SLC25A21: variants seen among roughly 807,000 people sequenced by gnomAD.
The protein encoded by SLC25A21 is mitochondrial 2-oxodicarboxylate carrier.
Under a neutral mutation model 43.8 loss-of-function variants are expected in SLC25A21, and 47 were observed. The ratio of observed to expected loss-of-function variants is 1.07; its 90% confidence interval spans 0.85 to 1.37. The LOEUF (loss-of-function observed/expected upper bound fraction) is 1.37, where lower values mean the gene tolerates loss of function less well. Ranked by LOEUF, SLC25A21 falls within the 40% of genes most tolerant of loss-of-function variation. The pLI, the probability that SLC25A21 is intolerant of heterozygous loss-of-function variation, is 0.00. For missense variants in SLC25A21, 352 were observed against 350.2 expected, an observed-to-expected ratio of 1.00 and a Z score of -0.04; for synonymous variants, 131 against 121.3, an observed-to-expected ratio of 1.08 and a Z score of -0.52.
intron 1 of SLC25A21, among the ~76,000 whole-genome samples, chr14:37,085,037 T>A (rs1962457863): frequency 6.6e-6 from 1 of 152,220 alleles, no homozygotes; most frequent in South Asian, 2.1e-4. Context: ...AACTGGGCTT[T>A]ATTATCATTC....
chr14:36,714,362 G>A (rs1884027767), intron 6 of SLC25A21, among the ~76,000 whole-genome samples: 1 of 152,200 alleles, frequency 6.6e-6, no homozygotes, highest in Admixed American at 6.5e-5. Context: ...CAAGATAACA[G>A]GTCTGCTTCC....
chr14:36,712,797 T>A (rs1883941647), intron 6 of SLC25A21, among the ~76,000 whole-genome samples: 1 of 152,040 alleles, frequency 6.6e-6, no homozygotes. Context: ...AACCAAAAAA[T>A]TTTCTGAAGG....
At chr14:37,159,331 G>A (rs8007688) in intron 1 of SLC25A21, among the ~76,000 whole-genome samples, 59,940 of 151,752 alleles carry the variant, frequency 0.39, 12,723 homozygotes, top group African/African-American at 0.56. Flanking sequence ...AAAATACAAT[G>A]CAAGGCTATA....
intron 1 of SLC25A21, among the ~76,000 whole-genome samples, chr14:36,936,567 T>G (rs1204067384): frequency 1.3e-5 from 2 of 152,178 alleles, no homozygotes; most frequent in Non-Finnish European, 2.9e-5. Context: ...CCTCTCAGAA[T>G]AAATGGAAAT....
Position 36,743,464 on chromosome 14 carries a change from C to T in SLC25A21, c.204-8891G>A, listed in dbSNP as rs1490570546. 3.9e-5 allele frequency among the ~76,000 whole-genome samples: 6 copies of T among 151,998 alleles called. No individual in the cohort carries two copies. The East Asian group carries it at 7.7e-4, about 20-fold the overall frequency. ...AAAAAACAACTCTATTTCTTGGACT[C>T]GGACTGAAAACCAGGAAAGACAACC... On this transcript the variant is annotated intron_variant, in intron 3 of 9. Coordinates refer to ENST00000331299, the MANE Select transcript of SLC25A21 (RefSeq NM_030631.4).
intron 1 of SLC25A21, among the ~76,000 whole-genome samples, chr14:36,945,680 A>G (rs1045231472): frequency 6.6e-6 from 1 of 152,192 alleles, no homozygotes; most frequent in Non-Finnish European, 1.5e-5. Flanking sequence ...TCATAGAAAC[A>G]GAAAATAGAA....
intron 7 of SLC25A21, among the ~76,000 whole-genome samples, chr14:36,707,362 C>T (rs1239629294): frequency 1.3e-5 from 2 of 152,146 alleles, no homozygotes; most frequent in Non-Finnish European, 2.9e-5. Flanking sequence ...TATTGCATCT[C>T]CTGGTGCTTG....
chr14:36,763,893 A>G (rs1886258228), intron 3 of SLC25A21, among the ~76,000 whole-genome samples: 1 of 150,832 alleles, frequency 6.6e-6, no homozygotes, highest in Admixed American at 6.7e-5. Flanking sequence ...GCCAGGTGCA[A>G]TGGTGGGCAC....
chr14:36,847,745 T>C (rs775173872), intron 2 of SLC25A21, among the ~76,000 whole-genome samples: 1 of 151,966 alleles, frequency 6.6e-6, no homozygotes, highest in Non-Finnish European at 1.5e-5. Context: ...TGCCTGGGGG[T>C]AAACAGCTAT....
chr14:37,023,396 T>C (rs570133053), intron 1 of SLC25A21, among the ~76,000 whole-genome samples: 13 of 151,624 alleles, frequency 8.6e-5, no homozygotes, highest in Middle Eastern at 3.4e-3. Context: ...AAATTGGTGC[T>C]CCATTGCTAA....
chr14:37,086,661 C>T (rs1262080208), intron 1 of SLC25A21, among the ~76,000 whole-genome samples: 2 of 152,136 alleles, frequency 1.3e-5, no homozygotes. Context: ...CCTCTCGATA[C>T]CTCCATTTTA....
At chr14:37,027,157 C>G (rs1033076011) in intron 1 of SLC25A21, among the ~76,000 whole-genome samples, 2 of 152,152 alleles carry the variant, frequency 1.3e-5, no homozygotes, top group Non-Finnish European at 2.9e-5. Context: ...AATCTCATTT[C>G]TACTAATTCT....
intron 1 of SLC25A21, among the ~76,000 whole-genome samples, chr14:36,908,573 A>G (rs1209360825): frequency 1.3e-5 from 2 of 152,202 alleles, no homozygotes; most frequent in Non-Finnish European, 2.9e-5. Context: ...ATCCTATCCA[A>G]TATGGTAGCT....
chr14:36,923,871 G>A (rs1892051911), intron 1 of SLC25A21, among the ~76,000 whole-genome samples: 1 of 152,172 alleles, frequency 6.6e-6, no homozygotes, highest in East Asian at 1.9e-4. Flanking sequence ...CCAAGGATAT[G>A]AACAGACACT....
rs565097341 is a variant in SLC25A21 at position 36,960,924 on chromosome 14, A to G, written c.71-85920T>C. Among the ~76,000 whole-genome samples the G allele has an allele frequency of 2.6e-5, 4 of 152,348 alleles. No homozygotes were observed. In the East Asian group the frequency reaches 5.8e-4, roughly 22 times the overall value. ...TCAGAAATAGGAAAGTGCACACAGT[A>G]TGCACAATGACCTAATTGCTCATAT... On this transcript the variant is annotated intron_variant, in intron 1 of 9. Transcript: ENST00000331299.
intron 1 of SLC25A21, among the ~76,000 whole-genome samples, chr14:37,139,409 G>C (rs1249438752): frequency 6.6e-6 from 1 of 151,966 alleles, no homozygotes; most frequent in African/African-American, 2.4e-5. Flanking sequence ...AAGAGTAAGA[G>C]ATATATTTCG....
intron 7 of SLC25A21, among the ~76,000 whole-genome samples, chr14:36,710,397 GA>G (rs537326805): frequency 6.8e-6 from 1 of 147,286 alleles, no homozygotes; most frequent in Non-Finnish European, 1.5e-5. Flanking sequence ...GAAAAGAAAA[GA>G]AAAAAAAGGA....
At position 37,035,084 on chromosome 14, in the gene SLC25A21, T is replaced by C. The variant is rs139774178; in HGVS notation, c.70+137197A>G. Among the ~76,000 whole-genome samples the C allele has an allele frequency of 1.9e-3, 286 of 152,338 alleles. 1 individual carries two copies. Among genetic ancestry groups the C allele is most frequent in the African/African-American group, 6.5e-3 (270 of 41,582 alleles). ...CAAGACTGGGCTATAAATTTTACAT[T>C]TGGCAAAGTGACTCATAAAGAAACA... On this transcript the variant is annotated intron_variant, in intron 1 of 9. Transcript: ENST00000331299.
intron 1 of SLC25A21, among the ~76,000 whole-genome samples, chr14:37,010,118 C>A (rs1960698218): frequency 6.6e-6 from 1 of 152,144 alleles, no homozygotes; most frequent in Non-Finnish European, 1.5e-5. Flanking sequence ...GAAAACATAA[C>A]CACATATATA....
Sources: gnomAD v4.1 joint callset for allele counts (sites outside exome capture counted in the v4.1 genomes callset) on GRCh38, gnomAD v4.1.1 for gene constraint, MANE v1.5 for transcripts, NCBI Gene and HGNC (gene_info 2026-07-23, HGNC 2026-07-21) for gene names.